Variants in PTAFR observed in about 807,000 individuals in gnomAD.
PTAFR encodes the protein platelet activating factor receptor.
PTAFR carries 8 observed loss-of-function variants against 14.7 expected under a neutral mutation model. The ratio of observed to expected loss-of-function variants is 0.54; its 90% CI spans 0.32 to 0.98. The LOEUF (loss-of-function observed/expected upper bound fraction) is 0.98. Among genes scored for constraint, PTAFR ranks in the 50% least tolerant of loss-of-function variants. The pLI is 0.04. For synonymous variants in PTAFR, 156 were observed against 176.5 expected, an observed-to-expected ratio of 0.88 and a Z score of 0.92; for missense variants, 337 against 451.2, an observed-to-expected ratio of 0.75 and a Z score of 2.29.
chr1:28,161,057 C>A (rs563607660), intron 1 of PTAFR, among the ~76,000 whole-genome samples: 55 of 152,292 alleles, frequency 3.6e-4, no homozygotes, highest in African/African-American at 1.3e-3. Flanking sequence ...CCAAGAAATC[C>A]TCCCTTCCTT....
chr1:28,151,625 A>AC (rs1000694467), intron 1 of PTAFR, among the ~76,000 whole-genome samples: 2 of 151,670 alleles, frequency 1.3e-5, no homozygotes, highest in Non-Finnish European at 2.9e-5. Flanking sequence ...GTGCCACTGC[A>AC]CTCCTGCCTG....
At chr1:28,166,390 G>C (rs1646384971) in intron 1 of PTAFR, among the ~76,000 whole-genome samples, 1 of 152,078 alleles carries the variant, frequency 6.6e-6, no homozygotes, top group Admixed American at 6.6e-5. Flanking sequence ...AAAGCTTCTT[G>C]GCGGGGTGTG....
At chr1:28,165,860 G>C (rs896472903) in intron 1 of PTAFR, among the ~76,000 whole-genome samples, 1 of 152,046 alleles carries the variant, frequency 6.6e-6, no homozygotes, top group Non-Finnish European at 1.5e-5. Context: ...TGGATTGGAA[G>C]ACTTAATATT....
chr1:28,187,561 A>C (rs1408044021), intron 1 of PTAFR, among the ~76,000 whole-genome samples: 1 of 152,154 alleles, frequency 6.6e-6, no homozygotes, highest in African/African-American at 2.4e-5. Flanking sequence ...GCTGGAGTGA[A>C]GTGGTGCAGT....
At chr1:28,163,675 A>G (rs1278366793) in intron 1 of PTAFR, among the ~76,000 whole-genome samples, 2 of 152,228 alleles carry the variant, frequency 1.3e-5, no homozygotes, top group African/African-American at 4.8e-5. Flanking sequence ...AAGTGGCTGG[A>G]ACAGGACCTG....
chr1:28,160,081 G>A (rs1230886371), intron 1 of PTAFR, among the ~76,000 whole-genome samples: 1 of 151,350 alleles, frequency 6.6e-6, no homozygotes, highest in Non-Finnish European at 1.5e-5. Flanking sequence ...TGGGTGTGGT[G>A]GTGCACACCT....
intron 1 of PTAFR, among the ~76,000 whole-genome samples, chr1:28,152,142 C>T (rs1646197527): frequency 6.6e-6 from 1 of 152,114 alleles, no homozygotes; most frequent in African/African-American, 2.4e-5. Context: ...AGGAATCTGC[C>T]AGCCTTGGCC....
intron 1 of PTAFR, among the ~76,000 whole-genome samples, chr1:28,189,283 T>A (rs1646631652): frequency 6.6e-6 from 1 of 152,166 alleles, no homozygotes; most frequent in Non-Finnish European, 1.5e-5. Flanking sequence ...TGTACATATG[T>A]TAAAATGAGA....
chr1:28,190,141 T>A (rs938592311), intron 1 of PTAFR, among the ~76,000 whole-genome samples: 5 of 151,906 alleles, frequency 3.3e-5, no homozygotes, highest in African/African-American at 4.8e-5. Flanking sequence ...CCCGGCTAAT[T>A]TTGTATTTTT....
chr1:28,162,229 T>C (rs1389933759), intron 1 of PTAFR, among the ~76,000 whole-genome samples: 1 of 152,134 alleles, frequency 6.6e-6, no homozygotes, highest in Non-Finnish European at 1.5e-5. Flanking sequence ...CAAGAGCATT[T>C]TGGAGGTCAG....
intron 1 of PTAFR, among the ~76,000 whole-genome samples, chr1:28,158,315 G>T (rs960409361): frequency 2.1e-4 from 32 of 152,322 alleles, no homozygotes; most frequent in Admixed American, 6.5e-4. Context: ...AGGCCTGGAA[G>T]AATAGGCAAA....
chr1:28,191,534 GAC>G (rs1273594506), intron 1 of PTAFR, among the ~76,000 whole-genome samples: 1 of 152,018 alleles, frequency 6.6e-6, no homozygotes, highest in Non-Finnish European at 1.5e-5. Context: ...AGGAGTTTGA[GAC>G]CAGCCTGAGC....
chr1:28,155,190 A>C (rs1051040068), intron 1 of PTAFR, among the ~76,000 whole-genome samples: 1 of 150,254 alleles, frequency 6.7e-6, no homozygotes, highest in Non-Finnish European at 1.5e-5. Context: ...TTCCCTACCC[A>C]CTCCTCACTC....
chr1:28,185,921 C>T (rs998515600), intron 1 of PTAFR, among the ~76,000 whole-genome samples: 2 of 152,124 alleles, frequency 1.3e-5, no homozygotes, highest in East Asian at 1.9e-4. Flanking sequence ...GAAGACACAA[C>T]TTATAACAGC....
intron 1 of PTAFR, among the ~76,000 whole-genome samples, chr1:28,170,177 G>A (rs931172203): frequency 2.0e-5 from 3 of 152,062 alleles, no homozygotes; most frequent in African/African-American, 7.2e-5. Flanking sequence ...CTTTTGGACT[G>A]GGAATTCCCA....
In PTAFR at chr1:28,161,319, G is replaced by C. The variant is rs183496312; in HGVS notation, c.-38-10260C>G. 2.3e-3 allele frequency among the ~76,000 whole-genome samples: 343 copies of C among 152,276 alleles called. 2 individuals are homozygous for C. Among genetic ancestry groups the C allele is most frequent in the African/African-American group, 7.9e-3 (329 of 41,560 alleles). On this transcript the variant is annotated intron_variant, in intron 1 of 1. Coordinates refer to ENST00000373857, the MANE Select transcript of PTAFR (RefSeq NM_000952.5). ...ACCTCACAGTTATTGACATCCTTCT[G>C]GGTGTTGGGCACTATGTTGGGGAGA...
intron 1 of PTAFR, among the ~76,000 whole-genome samples, chr1:28,168,955 A>G (rs1400334547): frequency 6.6e-6 from 1 of 152,166 alleles, no homozygotes; most frequent in Non-Finnish European, 1.5e-5. Context: ...AGCATGAGCC[A>G]CTGCGCCCAG....
intron 1 of PTAFR, among the ~76,000 whole-genome samples, chr1:28,156,734 G>A (rs1646267417): frequency 2.0e-5 from 3 of 152,182 alleles, no homozygotes; most frequent in African/African-American, 7.2e-5. Context: ...CACAATCTCA[G>A]CACCCCTGCC....
intron 1 of PTAFR, among the ~76,000 whole-genome samples, chr1:28,174,632 C>T (rs1646492747): frequency 6.6e-6 from 1 of 152,224 alleles, no homozygotes; most frequent in South Asian, 2.1e-4. Context: ...TACTGGGCCT[C>T]TGGCTCACCG....
Sources: gnomAD v4.1 joint callset for allele counts (sites outside exome capture counted in the v4.1 genomes callset) on GRCh38, gnomAD v4.1.1 for gene constraint, MANE v1.5 for transcripts, NCBI Gene and HGNC (gene_info 2026-07-23, HGNC 2026-07-21) for gene names.